ST8SIA6: variants seen among roughly 807,000 people sequenced by gnomAD.
The protein encoded by ST8SIA6 is ST8 alpha-N-acetyl-neuraminide alpha-2,8-sialyltransferase 6, also known as alpha-2,8-sialyltransferase 8F.
Under a neutral mutation model 33.6 loss-of-function variants are expected in ST8SIA6, and 39 were observed. That is an observed-to-expected ratio of 1.16 (90% CI 0.90 to 1.52). The LOEUF (loss-of-function observed/expected upper bound fraction) is 1.52, where lower values mean the gene tolerates loss of function less well. Among genes scored for constraint, ST8SIA6 ranks in the 40% most tolerant of loss-of-function variants. The probability of loss-of-function intolerance (pLI) is 0.00; values close to 1 mark genes in which losing one functional copy is unlikely to be tolerated. For missense variants in ST8SIA6, 441 were observed against 443.8 expected (o/e 0.99, Z 0.06); for synonymous variants, 172 against 167.2 (o/e 1.03, Z -0.22).
rs1341365091 is a variant in ST8SIA6, at chr10:17,317,613, G to A, written c.*3265C>T. 6.6e-6 allele frequency among the ~76,000 whole-genome samples: 1 copy of A among 152,108 alleles called. No individual in the cohort carries two copies. Among genetic ancestry groups the A allele is most frequent in the East Asian group, 1.9e-4 (1 of 5,192 alleles). ...TGCAGTAGCTGTTTAGGATGTTAGT[G>A]GACCTGTTTTCCACAAAATTTTCCA... On this transcript the variant is annotated 3_prime_UTR_variant, in exon 8 of 8. Transcript: ENST00000377602.
At chr10:17,345,417 C>T (rs1468568786) in intron 4 of ST8SIA6, among the ~76,000 whole-genome samples, 3 of 152,320 alleles carry the variant, frequency 2.0e-5, no homozygotes, top group African/African-American at 7.2e-5. Flanking sequence ...TGGAAGGTAC[C>T]TAAGCCACCC....
intron 3 of ST8SIA6, among the ~76,000 whole-genome samples, chr10:17,369,032 T>C (rs1337230990): frequency 6.6e-6 from 1 of 152,212 alleles, no homozygotes; most frequent in Non-Finnish European, 1.5e-5. Flanking sequence ...AATTAGAATC[T>C]ATATTGAAAC....
chr10:17,333,065 G>A (rs113835376), intron 4 of ST8SIA6, among the ~76,000 whole-genome samples: 2 of 152,108 alleles, frequency 1.3e-5, no homozygotes, highest in African/African-American at 4.8e-5. Context: ...TAAAATCAAT[G>A]TGCAAAAATT....
chr10:17,367,140 C>T (rs947094400), intron 3 of ST8SIA6, among the ~76,000 whole-genome samples: 2 of 152,086 alleles, frequency 1.3e-5, no homozygotes, highest in African/African-American at 4.8e-5. Context: ...TATCTTGAAG[C>T]TTCGTGTATT....
chr10:17,442,905 G>C (rs1211201382), intron 2 of ST8SIA6, among the ~76,000 whole-genome samples: 2 of 152,068 alleles, frequency 1.3e-5, no homozygotes, highest in African/African-American at 4.8e-5. Context: ...CCTAGACAAG[G>C]CAACAAAACT....
At chr10:17,384,635 T>C (rs1850270113) in intron 3 of ST8SIA6, among the ~76,000 whole-genome samples, 1 of 152,228 alleles carries the variant, frequency 6.6e-6, no homozygotes, top group African/African-American at 2.4e-5. Context: ...CAAAATGATG[T>C]TTTCATTTTT....
At chr10:17,367,996 C>G (rs1433340449) in intron 3 of ST8SIA6, among the ~76,000 whole-genome samples, 1 of 152,114 alleles carries the variant, frequency 6.6e-6, no homozygotes, top group Non-Finnish European at 1.5e-5. Context: ...ATCCGTACAG[C>G]ACTTATCCTT....
intron 2 of ST8SIA6, among the ~76,000 whole-genome samples, chr10:17,405,167 G>A (rs1235869056): frequency 1.3e-5 from 2 of 151,814 alleles, no homozygotes; most frequent in African/African-American, 4.8e-5. Flanking sequence ...CCAGGAGTTC[G>A]AAAGCAGCCT....
chr10:17,319,842 C>G lies in ST8SIA6; in HGVS notation c.*1036G>C, dbSNP rs959599304. The G allele has an allele frequency of 6.6e-6, 1 of 152,190 alleles. No individual in the cohort carries two copies. Among genetic ancestry groups the G allele is most frequent in the Admixed American group, 6.5e-5 (1 of 15,280 alleles). 9.4% of individuals were successfully genotyped at this position (152,190 alleles called of 1,614,324 possible). On this transcript the variant is annotated 3_prime_UTR_variant, in exon 8 of 8. Transcript: ENST00000377602. The stretch of plus-strand genomic sequence containing the variant: ...ATGGTTTCAGGCATCCACAGGGGGT[C>G]TTCCCATATCTGCAGATTAGGGGAG...
At chr10:17,350,700 A>G (rs1260064395) in intron 4 of ST8SIA6, among the ~76,000 whole-genome samples, 2 of 151,334 alleles carry the variant, frequency 1.3e-5, no homozygotes, top group Non-Finnish European at 2.9e-5. Context: ...AGAGTTGTCT[A>G]TTGAACTAGC....
intron 2 of ST8SIA6, among the ~76,000 whole-genome samples, chr10:17,402,665 A>G (rs568738687): frequency 2.0e-5 from 3 of 152,154 alleles, no homozygotes; most frequent in South Asian, 2.1e-4. Flanking sequence ...TCAGCAAACT[A>G]TCGCAAGAAC....
At chr10:17,368,407 C>CAAAAAAAAAA (rs200826980) in intron 3 of ST8SIA6, among the ~76,000 whole-genome samples, 7 of 72,194 alleles carry the variant, frequency 9.7e-5, no homozygotes, top group South Asian at 9.0e-4. Context: ...AGCTCTGTCT[C>CAAAAAAAAAA]AAAAAAAAAA....
intron 6 of ST8SIA6, among the ~76,000 whole-genome samples, chr10:17,326,240 A>C (rs916365632): frequency 6.6e-6 from 1 of 152,188 alleles, no homozygotes; most frequent in African/African-American, 2.4e-5. Context: ...GAGGGATCAA[A>C]GCATCTCCTC....
At chr10:17,345,206 T>G (rs1848796179) in intron 4 of ST8SIA6, among the ~76,000 whole-genome samples, 2 of 152,178 alleles carry the variant, frequency 1.3e-5, no homozygotes, top group South Asian at 4.1e-4. Context: ...CACTTCCTCT[T>G]GTGACAACAG....
rs899795947 is a variant in ST8SIA6 at position 17,318,097 on chromosome 10, T to A, written c.*2781A>T. 2.8e-4 allele frequency among the ~76,000 whole-genome samples: 43 copies of A among 152,258 alleles called. No individual in the cohort carries two copies. The highest frequency in any genetic ancestry group is 9.6e-4 in the African/African-American group (40 of 41,468). On this transcript the variant is annotated 3_prime_UTR_variant, in exon 8 of 8. Coordinates refer to ENST00000377602, the MANE Select transcript of ST8SIA6 (RefSeq NM_001004470.3). ...AAATTATATTGGAATCTTGTTATTC[T>A]GTTTCATTGCTCAATGAGGCTGAAC...
intron 2 of ST8SIA6, among the ~76,000 whole-genome samples, chr10:17,438,678 T>A (rs1393662679): frequency 6.6e-6 from 1 of 152,188 alleles, no homozygotes; most frequent in Non-Finnish European, 1.5e-5. Context: ...TTTCCAAAAC[T>A]CCTCAGCTAT....
At chr10:17,361,170 TGAGATTA>T (rs1353579657) in intron 3 of ST8SIA6, among the ~76,000 whole-genome samples, 1 of 151,832 alleles carries the variant, frequency 6.6e-6, no homozygotes, top group Non-Finnish European at 1.5e-5. Context: ...TAGTGAAAAA[TGAGATTA>T]GAGTAGAAAT....
chr10:17,453,438 T>TAC (rs1225354549), intron 2 of ST8SIA6, 121 bp downstream of exon 2: 5 of 705,214 alleles, frequency 7.1e-6, no homozygotes, highest in Non-Finnish European at 9.9e-6. Context: ...CGCACACTCT[T>TAC]ACACTCACTC....
intron 2 of ST8SIA6, among the ~76,000 whole-genome samples, chr10:17,407,246 T>C (rs757419418): frequency 1.5e-4 from 23 of 152,334 alleles, no homozygotes; most frequent in Non-Finnish European, 2.6e-4. Flanking sequence ...TATGTCACCA[T>C]AGTAACAATT....
Sources: gnomAD v4.1 joint callset for allele counts (sites outside exome capture counted in the v4.1 genomes callset) on GRCh38, gnomAD v4.1.1 for gene constraint, MANE v1.5 for transcripts, NCBI Gene and HGNC (gene_info 2026-07-23, HGNC 2026-07-21) for gene names.